Variants in TNS3 observed in about 807,000 individuals in gnomAD.
TNS3 encodes the protein tensin-3.
Under a neutral mutation model 140.9 loss-of-function variants are expected in TNS3, and 45 were observed. That is an observed-to-expected ratio of 0.32 (90% CI 0.25 to 0.41). The LOEUF is 0.41. Ranked by LOEUF, TNS3 falls within the 10% of genes least tolerant of loss-of-function variation. TNS3 has a pLI of 1.00. For synonymous variants in TNS3, 815 were observed against 788.4 expected, an observed-to-expected ratio of 1.03 and a Z score of -0.56; for missense variants, 1,716 against 1,906.7, an observed-to-expected ratio of 0.90 and a Z score of 1.86.
intron 1 of TNS3, among the ~76,000 whole-genome samples, chr7:47,542,160 T>A (rs531706564): frequency 6.6e-6 from 1 of 152,256 alleles, no homozygotes; most frequent in South Asian, 2.1e-4. Flanking sequence ...TTCCTTTATT[T>A]ACTATAAAAG....
At chr7:47,320,383 G>A (rs777416732) in intron 20 of TNS3, among the ~76,000 whole-genome samples, 1 of 152,196 alleles carries the variant, frequency 6.6e-6, no homozygotes, top group Non-Finnish European at 1.5e-5. Context: ...ACAGCTCTGT[G>A]AGTTAAGAGG....
chr7:47,287,893 T>C (rs1785501018), intron 27 of TNS3, among the ~76,000 whole-genome samples: 1 of 152,210 alleles, frequency 6.6e-6, no homozygotes, highest in Non-Finnish European at 1.5e-5. Flanking sequence ...AGACCCACCC[T>C]TAAAAAACAT....
chr7:47,502,011 C>A (rs904292821), intron 3 of TNS3, among the ~76,000 whole-genome samples: 1 of 152,150 alleles, frequency 6.6e-6, no homozygotes, highest in African/African-American at 2.4e-5. Context: ...TGTAGGCATA[C>A]GAGCAAGGTG....
chr7:47,291,637 C>A lies in TNS3; in HGVS notation c.3928+318G>T, dbSNP rs114377789. Among the ~76,000 whole-genome samples, 472 of 152,174 alleles carry A rather than the reference C, an allele frequency of 3.1e-3. 4 individuals carry two copies. The highest frequency in any genetic ancestry group is 7.2e-3 in the African/African-American group (299 of 41,440). Reference sequence around the variant, plus strand: ...GACTTGTTGAGTCATGTCTCTGGAACATTTTTACATTTACAGTTGCCGAGA... The same window carrying A: ...GACTTGTTGAGTCATGTCTCTGGAAAATTTTTACATTTACAGTTGCCGAGA... On this transcript the variant is annotated intron_variant, in intron 27 of 30. Transcript: ENST00000311160.
rs921201954 is a variant in TNS3, at chr7:47,477,925, G to A, written c.-76+3178C>T. On this transcript the variant is annotated intron_variant, in intron 4 of 30. Coordinates refer to ENST00000311160, the MANE Select transcript of TNS3 (RefSeq NM_022748.12). ...CAGAAGAGTGCTCAGGCTGGGCTGG[G>A]CTGCCACGTCCATCCTTCCATTTAC... Among the ~76,000 whole-genome samples, 26 of 152,314 alleles carry A rather than the reference G, an allele frequency of 1.7e-4. 1 individual carries two copies. The highest frequency in any genetic ancestry group is 3.4e-3 in the Middle Eastern group (1 of 294).
intron 4 of TNS3, among the ~76,000 whole-genome samples, chr7:47,466,204 G>A (rs773523954): frequency 2.0e-5 from 3 of 151,426 alleles, no homozygotes; most frequent in African/African-American, 4.9e-5. Flanking sequence ...CCAGGCTGGA[G>A]TGCAGTGGTA....
At chr7:47,339,703 GT>G in intron 20 of TNS3, among the ~76,000 whole-genome samples, 1 of 152,110 alleles carries the variant, frequency 6.6e-6, no homozygotes. Context: ...TTAGAATTAT[GT>G]TGTCTATATC....
At chr7:47,422,969 T>C (rs931082118) in intron 10 of TNS3, among the ~76,000 whole-genome samples, 1 of 152,328 alleles carries the variant, frequency 6.6e-6, no homozygotes, top group Admixed American at 6.5e-5. Flanking sequence ...GTGGGCCCTG[T>C]TGCTGACCAC....
At chr7:47,556,975 A>G (rs1281798247) in intron 1 of TNS3, 2 of 454,352 alleles carry the variant, frequency 4.4e-6, no homozygotes, top group Admixed American at 2.4e-5. Flanking sequence ...CCCTGCCACC[A>G]AGCCATGCCC....
intron 1 of TNS3, among the ~76,000 whole-genome samples, chr7:47,534,012 G>A (rs1036468818): frequency 1.3e-5 from 2 of 152,146 alleles, no homozygotes; most frequent in Non-Finnish European, 2.9e-5. Flanking sequence ...GGTGGCTCAT[G>A]CCTGTAATCC....
intron 16 of TNS3, among the ~76,000 whole-genome samples, chr7:47,394,914 A>G (rs1271530219): frequency 1.3e-5 from 2 of 152,256 alleles, no homozygotes; most frequent in Admixed American, 6.5e-5. Context: ...CTTGGGGACA[A>G]GAGCGGGGCA....
chr7:47,418,925 T>G (rs541592391), intron 10 of TNS3, among the ~76,000 whole-genome samples: 15 of 152,394 alleles, frequency 9.8e-5, no homozygotes, highest in Admixed American at 8.5e-4. Flanking sequence ...ACAGGACATC[T>G]TTCCCAACAG....
chr7:47,565,532 A>AT (rs1304536736), intron 1 of TNS3, among the ~76,000 whole-genome samples: 4 of 151,316 alleles, frequency 2.6e-5, no homozygotes, highest in Non-Finnish European at 5.9e-5. Context: ...TGCCCAGCTG[A>AT]TTTTTTGTAT....
intron 16 of TNS3, among the ~76,000 whole-genome samples, chr7:47,376,422 T>A (rs1035148629): frequency 6.6e-6 from 1 of 152,102 alleles, no homozygotes; most frequent in Non-Finnish European, 1.5e-5. Flanking sequence ...CTCTTACAAC[T>A]CAGCTGACCT....
At chr7:47,536,680 GC>G (rs896199160) in intron 1 of TNS3, among the ~76,000 whole-genome samples, 12 of 152,240 alleles carry the variant, frequency 7.9e-5, no homozygotes, top group African/African-American at 2.4e-4. Context: ...ACCAGAAGAC[GC>G]CCCCACTAGG....
At chr7:47,406,802 C>A (rs1793475967) in intron 13 of TNS3, among the ~76,000 whole-genome samples, 1 of 152,226 alleles carries the variant, frequency 6.6e-6, no homozygotes, top group South Asian at 2.1e-4. Context: ...CTTCTTCCCC[C>A]ACTACAGCCT....
chr7:47,565,817 A>G (rs1048754849), intron 1 of TNS3, among the ~76,000 whole-genome samples: 1 of 152,198 alleles, frequency 6.6e-6, no homozygotes, highest in Non-Finnish European at 1.5e-5. Flanking sequence ...AATCTTAGGC[A>G]AAAATTCACA....
chr7:47,546,422 G>A (rs1351744924), intron 1 of TNS3, among the ~76,000 whole-genome samples: 1 of 151,950 alleles, frequency 6.6e-6, no homozygotes, highest in African/African-American at 2.4e-5. Flanking sequence ...GTCTTCCTGC[G>A]TCCCAGCCCT....
chr7:47,278,678 C>T (rs6463407), intron 30 of TNS3: 57,131 of 154,982 alleles, frequency 0.37, 11,171 homozygotes, highest in Non-Finnish European at 0.44. Flanking sequence ...GTCTGGACTT[C>T]GACACTCCCA....
Sources: gnomAD v4.1 joint callset for allele counts (sites outside exome capture counted in the v4.1 genomes callset) on GRCh38, gnomAD v4.1.1 for gene constraint, MANE v1.5 for transcripts, NCBI Gene and HGNC (gene_info 2026-07-23, HGNC 2026-07-21) for gene names.